ORC6: variants seen among roughly 807,000 people sequenced by gnomAD.
ORC6 encodes the protein origin recognition complex, subunit 6 homolog-like (yeast).
ORC6 carries 31 observed loss-of-function variants against 30.0 expected under a neutral mutation model. That is an observed-to-expected ratio of 1.03 (90% CI 0.78 to 1.40). The LOEUF (loss-of-function observed/expected upper bound fraction) is 1.40, where lower values mean the gene tolerates loss of function less well. Ranked by LOEUF, ORC6 falls within the 40% of genes most tolerant of loss-of-function variation. The pLI, the probability that ORC6 is intolerant of heterozygous loss-of-function variation, is 0.00. For synonymous variants in ORC6, 136 were observed against 111.2 expected, an observed-to-expected ratio of 1.22 and a Z score of -1.40; for missense variants, 340 against 304.3, an observed-to-expected ratio of 1.12 and a Z score of -0.87.
intron 6 of ORC6, among the ~76,000 whole-genome samples, chr16:46,697,112 T>G (rs1362721159): frequency 6.6e-6 from 1 of 152,194 alleles, no homozygotes; most frequent in Non-Finnish European, 1.5e-5. Context: ...AAGCACCAGT[T>G]AAGTGCTTGA....
rs1205060200 is a variant in ORC6 at position 46,697,960 on chromosome 16, C to G, written c.*375C>G. On this transcript the variant is annotated 3_prime_UTR_variant, in exon 7 of 7. Transcript: ENST00000219097. ...TGAAACCCCATCTCTACTAAAAATA[C>G]AAAAATTAGCCAGGTGTGATGGTGC... 3.0e-5 allele frequency: 13 copies of G among 436,810 alleles called. No individual in the cohort carries two copies. Among genetic ancestry groups the G allele is most frequent in the Non-Finnish European group, 5.5e-5 (12 of 216,576 alleles). The allele number at this position is 436,810 out of a possible 1,614,324, so 27.1% of individuals were successfully genotyped here.
rs776531586 is a variant in ORC6 at position 46,697,572 on chromosome 16, C to A, written c.746C>A (p.Ala249Asp). Residue 249 changes from alanine (A) to aspartate (D), a missense_variant, in exon 7 of 7, where the codon GCT becomes GAT. By Grantham distance (126) the Ala-to-Asp change is moderately radical. Transcript: ENST00000219097. ...GAAAATGCTGCCAGTGCTCAAAAGG[C>A]TACAGCAGAGTGATTTCAGCTTCCA... ...ILENAASAQK[A>D]TAE is the part of the protein sequence containing the mutation. The A allele has an allele frequency of 1.2e-6, 2 of 1,614,062 alleles. No homozygotes were observed. Among genetic ancestry groups the A allele is most frequent in the Non-Finnish European group, 1.7e-6 (2 of 1,179,930 alleles).
intron 4 of ORC6, chr16:46,693,476 C>T (rs183885530): frequency 1.7e-5 from 8 of 465,614 alleles, no homozygotes; most frequent in African/African-American, 1.6e-4. Flanking sequence ...AAACAGTCTT[C>T]ACATGTGATT....
rs372278823 is a variant in ORC6 at position 46,698,183 on chromosome 16, G to GGATGGATAGATA, written c.*601_*602insGGATAGATAGAT. On this transcript the variant is annotated 3_prime_UTR_variant, in exon 7 of 7. Transcript: ENST00000219097. ...CTTATAGATAGATAGATAGATAGAT[G>GGATGGATAGATA]GATAGATAGATAGATAGATAGATAG... 5.8e-5 allele frequency: 25 copies of GGATGGATAGATA among 430,568 alleles called. No homozygotes were observed. Among genetic ancestry groups the GGATGGATAGATA allele is most frequent in the African/African-American group, 2.3e-4 (11 of 47,782 alleles). The allele number at this position is 430,568 out of a possible 1,614,324, so 26.7% of individuals were successfully genotyped here. A position where few individuals can be genotyped will look rare whatever the true frequency, so the allele number is the denominator to read the frequency against.
intron 1 of ORC6, 120 bp downstream of exon 1, chr16:46,689,890 CG>C: frequency 1.5e-6 from 2 of 1,362,850 alleles, no homozygotes; most frequent in Admixed American, 3.0e-5. Flanking sequence ...GCGCTGGGGC[CG>C]GGCGGGGTTT....
rs1555468041 is a variant in ORC6 at position 46,698,163 on chromosome 16, A to AGATAGATAGATAGATG, written c.*593_*594insGGATAGATAGATAGAT. Reference sequence around the variant, plus strand: ...GCCTGGGTGACAGAGCGAGACTTATAGATAGATAGATAGATAGATGGATAG... The same window carrying AGATAGATAGATAGATG: ...GCCTGGGTGACAGAGCGAGACTTATAGATAGATAGATAGATGGATAGATAGATAGATAGATGGATAG... On this transcript the variant is annotated 3_prime_UTR_variant, in exon 7 of 7. Transcript: ENST00000219097. 1.5e-4 allele frequency: 62 copies of AGATAGATAGATAGATG among 413,748 alleles called. No individual in the cohort carries two copies. The highest frequency in any genetic ancestry group is 1.2e-3 in the African/African-American group (48 of 41,272). 25.6% of individuals were successfully genotyped at this position (413,748 alleles called of 1,614,324 possible).
rs369091289 is a variant in ORC6 at position 46,697,544 on chromosome 16, T to G, written c.718T>G (p.Leu240Val). Residue 240 changes from leucine to valine, a missense_variant, in exon 7 of 7, where the codon TTG (leucine) becomes GTG (valine). Leu to Val is a conservative substitution (Grantham distance 32, BLOSUM62 1). Coordinates refer to ENST00000219097, the MANE Select transcript of ORC6 (RefSeq NM_014321.4). ...TTATGAAGAATGGAAAAGAAAAATT[T>G]TGGAAAATGCTGCCAGTGCTCAAAA... ...QDYEEWKRKILENAASAQKAT... is the reference protein window; with the variant it reads ...QDYEEWKRKIVENAASAQKAT... 1 of 1,613,984 alleles carries G rather than the reference T, an allele frequency of 6.2e-7. No individual in the cohort carries two copies. Among genetic ancestry groups the G allele is most frequent in the African/African-American group, 1.3e-5 (1 of 74,904 alleles).
intron 2 of ORC6, among the ~76,000 whole-genome samples, 183 bp downstream of exon 2, chr16:46,691,303 T>G (rs1966435150): frequency 6.6e-6 from 1 of 152,262 alleles, no homozygotes; most frequent in South Asian, 2.1e-4. Context: ...CCATGTTTTC[T>G]TTACTCTTCA....
Position 46,697,673 on chromosome 16 carries a change from C to A in ORC6, c.*88C>A. ...TGACGGCTTTGGGATTTTGTTTAAA[C>A]TTTTATAATAAGGATCCTAAGACTG... On this transcript the variant is annotated 3_prime_UTR_variant, in exon 7 of 7. Transcript: ENST00000219097. 1 of 1,397,588 alleles carries A rather than the reference C, an allele frequency of 7.2e-7. No homozygotes were observed. The highest frequency in any genetic ancestry group is 1.0e-6 in the Non-Finnish European group (1 of 984,824). The allele number at this position is 1,397,588 out of a possible 1,614,324, so 86.6% of individuals were successfully genotyped here. A position where few individuals can be genotyped will look rare whatever the true frequency, so the allele number is the denominator to read the frequency against.
chr16:46,689,863 C>CG, intron 1 of ORC6, 93 bp downstream of exon 1: 8 of 1,396,338 alleles, frequency 5.7e-6, no homozygotes, highest in Non-Finnish European at 6.5e-6. Flanking sequence ...CGACGGGCGG[C>CG]GGGGGAGTGA....
intron 1 of ORC6, 148 bp downstream of exon 1, chr16:46,689,918 A>T (rs1025864708): frequency 2.2e-5 from 26 of 1,207,642 alleles, no homozygotes; most frequent in Non-Finnish European, 2.9e-5. Flanking sequence ...TACTTCAAGA[A>T]AAACTTCTCG....
Position 46,689,699 on chromosome 16 carries a change from C to T in ORC6, c.-7C>T, listed in dbSNP as rs372030964. The T allele has an allele frequency of 2.4e-5, 38 of 1,598,886 alleles. No homozygotes were observed. Among genetic ancestry groups the T allele is most frequent in the Non-Finnish European group, 3.1e-5 (36 of 1,172,654 alleles). ...TCACGGGAATTGTTCGCTTTAGTGC[C>T]GGCGCCATGGGGTCGGAGCTGATCG... is the stretch of plus-strand genomic sequence containing the variant. On this transcript the variant is annotated 5_prime_UTR_variant, in exon 1 of 7. Coordinates refer to ENST00000219097, the MANE Select transcript of ORC6 (RefSeq NM_014321.4).
chr16:46,693,841 TTTTTA>T (rs1277231001), intron 4 of ORC6: 2 of 18,652 alleles, frequency 1.1e-4, no homozygotes, highest in African/African-American at 1.5e-4. Flanking sequence ...ATTTTTTTTA[TTTTTA>T]TTTTTATTTT....
chr16:46,691,476 G>T (rs528490931), intron 2 of ORC6, among the ~76,000 whole-genome samples: 1 of 152,312 alleles, frequency 6.6e-6, no homozygotes, highest in South Asian at 2.1e-4. Context: ...GGAGTTTCAT[G>T]TTGAGATCAA....
intron 6 of ORC6, among the ~76,000 whole-genome samples, 175 bp from the exon 7 acceptor site, chr16:46,697,283 G>A (rs1318148477): frequency 6.6e-6 from 1 of 152,164 alleles, no homozygotes; most frequent in Non-Finnish European, 1.5e-5. Context: ...CTAGGAATTT[G>A]AGTGCAGCCT....
At chr16:46,696,196 G>C in intron 6 of ORC6, 111 bp downstream of exon 6, 1 of 758,902 alleles carries the variant, frequency 1.3e-6, no homozygotes, top group South Asian at 1.4e-5. Flanking sequence ...TTCTGACTGT[G>C]AATCATTTGA....
In ORC6 at chr16:46,695,561, GGA is replaced by G. The variant is rs1188770808; in HGVS notation, c.450_451del (p.Lys150AsnfsTer8). 1 of 1,595,576 alleles carries G rather than the reference GGA, an allele frequency of 6.3e-7. No homozygotes were observed. ...AAGCAACTTATGAAATTGTTTTGTA[GGA>G]TTCTAAAGCTGAAAGTGGATAAAAA... On this transcript the variant is annotated frameshift_variant and splice_region_variant, in exon 5 of 7. Coordinates refer to ENST00000219097, the MANE Select transcript of ORC6 (RefSeq NM_014321.4). LOFTEE classifies it high-confidence loss of function.
intron 1 of ORC6, 83 bp downstream of exon 1, chr16:46,689,853 C>T (rs1314450105): frequency 6.9e-7 from 1 of 1,457,228 alleles, no homozygotes; most frequent in African/African-American, 1.5e-5. Context: ...CCTTCCCAGG[C>T]GACGGGCGGC....
chr16:46,694,259 CTT>C (rs1966488853), intron 4 of ORC6: 1 of 100,546 alleles, frequency 9.9e-6, no homozygotes, highest in Non-Finnish European at 2.1e-5. Context: ...ATGTCTACTT[CTT>C]TCTACACAGA....
Sources: allele counts gnomAD v4.1 joint callset (sites outside exome capture counted in the v4.1 genomes callset), GRCh38; gene constraint gnomAD v4.1.1; transcripts MANE v1.5; gene names NCBI Gene and HGNC (gene_info 2026-07-23, HGNC 2026-07-21).